The following PDE1A variants were observed in gnomAD, a reference collection of about 807,000 sequenced individuals.
PDE1A encodes the protein phosphodiesterase 1A, also known as dual specificity calcium/calmodulin-dependent 3',5'-cyclic nucleotide phosphodiesterase 1A.
A neutral mutation model predicts 61.7 loss-of-function variants in PDE1A; 35 were observed. The observed-to-expected ratio is 0.57, with a 90% CI of 0.43 to 0.75. The LOEUF (loss-of-function observed/expected upper bound fraction) is 0.75, where lower values mean the gene tolerates loss of function less well. Among genes scored for constraint, PDE1A ranks in the 30% least tolerant of loss-of-function variants. The pLI, the probability that PDE1A is intolerant of heterozygous loss-of-function variation, is 0.00. For synonymous variants in PDE1A, 232 were observed against 213.2 expected (o/e 1.09, Z -0.77); for missense variants, 597 against 630.6 (o/e 0.95, Z 0.57).
chr2:182,707,835 G>T, the PDE1A span, among the ~76,000 whole-genome samples: 7 of 152,178 alleles, frequency 4.6e-5, no homozygotes, highest in African/African-American at 1.7e-4. Flanking sequence ...CAATTAAATT[G>T]TGGTTACTAG....
intron 13 of PDE1A, among the ~76,000 whole-genome samples, chr2:182,177,845 C>A: frequency 6.6e-6 from 1 of 152,032 alleles, no homozygotes; most frequent in East Asian, 1.9e-4. Flanking sequence ...TAATTTGTGT[C>A]ACATGATTCA....
chr2:182,423,947 C>CTTT (rs562590310), intron 1 of PDE1A, among the ~76,000 whole-genome samples: 1,582 of 134,260 alleles, frequency 0.012, 24 homozygotes, highest in South Asian at 0.043. Context: ...CTGGATTAAC[C>CTTT]TTTTTTTTTT....
the PDE1A span, among the ~76,000 whole-genome samples, chr2:182,637,909 G>A: frequency 1.4e-4 from 21 of 152,092 alleles, 1 homozygote; most frequent in African/African-American, 3.6e-4. Flanking sequence ...GCAACAGAGC[G>A]AGACTCTGTC....
chr2:182,663,316 T>C, the PDE1A span, among the ~76,000 whole-genome samples: 3 of 152,160 alleles, frequency 2.0e-5, no homozygotes, highest in African/African-American at 7.2e-5. Context: ...AGCAATTCCA[T>C]TACTGGGTAT....
chr2:182,399,157 G>T (rs1227091499), intron 1 of PDE1A, among the ~76,000 whole-genome samples: 1 of 151,588 alleles, frequency 6.6e-6, no homozygotes, highest in East Asian at 1.9e-4. Context: ...TATTTTGGAG[G>T]ACTATGTTTA....
chr2:182,274,078 C>A (rs1251001873), intron 1 of PDE1A, among the ~76,000 whole-genome samples: 2 of 152,066 alleles, frequency 1.3e-5, no homozygotes, highest in Non-Finnish European at 2.9e-5. Flanking sequence ...GTAGAAGGAG[C>A]AAACCAGCCC....
chr2:182,476,293 C>G (rs1483434604), intron 2 of PDE1A, among the ~76,000 whole-genome samples: 2 of 151,834 alleles, frequency 1.3e-5, no homozygotes, highest in Non-Finnish European at 2.9e-5. Context: ...GAATTCAACA[C>G]CAGCCTATTC....
At chr2:182,598,343 G>A in the PDE1A span, among the ~76,000 whole-genome samples, 2 of 152,102 alleles carry the variant, frequency 1.3e-5, no homozygotes, top group Non-Finnish European at 2.9e-5. Context: ...AGGCCGAGGC[G>A]GAGGGATCAC....
At chr2:182,284,908 G>A (rs962647007) in intron 1 of PDE1A, among the ~76,000 whole-genome samples, 2 of 152,026 alleles carry the variant, frequency 1.3e-5, no homozygotes, top group African/African-American at 4.8e-5. Context: ...AGGAATCTGA[G>A]ACACCATGAG....
intron 4 of PDE1A, among the ~76,000 whole-genome samples, chr2:182,234,159 CAT>C (rs1482572465): frequency 1.3e-5 from 2 of 151,182 alleles, no homozygotes; most frequent in Admixed American, 6.6e-5. Flanking sequence ...TCAAGATCCA[CAT>C]AAATAAAATT....
At chr2:182,561,006 T>A in the PDE1A span, among the ~76,000 whole-genome samples, 1 of 149,304 alleles carries the variant, frequency 6.7e-6, no homozygotes, top group Non-Finnish European at 1.5e-5. Flanking sequence ...TTTTGTAGGT[T>A]GCCTGTTCAC....
chr2:182,193,643 G>A (rs1461079091), intron 10 of PDE1A, among the ~76,000 whole-genome samples: 1 of 151,962 alleles, frequency 6.6e-6, no homozygotes, highest in Non-Finnish European at 1.5e-5. Flanking sequence ...TTCGAAGAAC[G>A]CCACGAAAAA....
At chr2:182,296,493 G>C (rs1694894978) in intron 1 of PDE1A, among the ~76,000 whole-genome samples, 1 of 152,232 alleles carries the variant, frequency 6.6e-6, no homozygotes, top group African/African-American at 2.4e-5. Context: ...CACAGATACA[G>C]ATATAGGTAT....
the PDE1A span, among the ~76,000 whole-genome samples, chr2:182,646,227 C>A: frequency 6.6e-6 from 1 of 151,748 alleles, no homozygotes; most frequent in African/African-American, 2.4e-5. Flanking sequence ...GCAGGTAGAT[C>A]ACCTGAGGCC....
chr2:182,583,803 G>A, the PDE1A span, among the ~76,000 whole-genome samples: 12 of 152,102 alleles, frequency 7.9e-5, no homozygotes, highest in African/African-American at 1.2e-4. Flanking sequence ...ACAATGTTTC[G>A]CATGAATTTA....
At chr2:182,146,983 C>T (rs575293799), downstream of PDE1A, 153 of 770,744 alleles carry the variant, frequency 2.0e-4, 1 homozygote, top group African/African-American at 2.4e-3. Flanking sequence ...TAATGGTATT[C>T]TGCAAACCAT....
At chr2:182,644,362 C>A in the PDE1A span, among the ~76,000 whole-genome samples, 1 of 148,512 alleles carries the variant, frequency 6.7e-6, no homozygotes, top group Non-Finnish European at 1.5e-5. Flanking sequence ...AGATCCAAAC[C>A]ATGGAGTTTG....
At chr2:182,224,699 C>T (rs1232386426) in intron 6 of PDE1A, among the ~76,000 whole-genome samples, 1 of 151,866 alleles carries the variant, frequency 6.6e-6, no homozygotes, top group Non-Finnish European at 1.5e-5. Context: ...AACCCTTATA[C>T]TGTACTACCC....
intron 2 of PDE1A, among the ~76,000 whole-genome samples, chr2:182,507,434 T>C (rs891739261): frequency 4.6e-5 from 7 of 152,220 alleles, no homozygotes; most frequent in Non-Finnish European, 1.0e-4. Flanking sequence ...GAGTGGTTTA[T>C]ATCTACCCTA....
Sources: allele counts gnomAD v4.1 joint callset (sites outside exome capture counted in the v4.1 genomes callset), GRCh38; gene constraint gnomAD v4.1.1; transcripts MANE v1.5; gene names NCBI Gene and HGNC (gene_info 2026-07-23, HGNC 2026-07-21).